NCOA1: variants seen among roughly 807,000 people sequenced by gnomAD.
NCOA1 encodes the protein nuclear receptor coactivator 1.
A neutral mutation model predicts 150.9 loss-of-function variants in NCOA1; 35 were observed. The ratio of observed to expected loss-of-function variants is 0.23; its 90% CI spans 0.18 to 0.31. The LOEUF is 0.31. Among genes scored for constraint, NCOA1 ranks in the 10% least tolerant of loss-of-function variants. The pLI, the probability that NCOA1 is intolerant of heterozygous loss-of-function variation, is 1.00. For missense variants in NCOA1, 1,491 were observed against 1,749.3 expected (o/e 0.85, Z 2.63); for synonymous variants, 590 against 630.0 (o/e 0.94, Z 0.95).
At chr2:24,642,065 T>C (rs1375122075) in intron 3 of NCOA1, among the ~76,000 whole-genome samples, 1 of 144,310 alleles carries the variant, frequency 6.9e-6, no homozygotes, top group Non-Finnish European at 1.5e-5. Flanking sequence ...TGTGTGTATG[T>C]GTTTTCCCCA....
Position 24,769,936 on chromosome 2 carries a change from A to C in NCOA1, c.*1545A>C, listed in dbSNP as rs949284971. ...CTGCCTCCATGGCAGAGAAAAGGCCATAAGAACAGTGGAAGAGGAGCATGG... is the reference window on the plus strand; with the variant it reads ...CTGCCTCCATGGCAGAGAAAAGGCCCTAAGAACAGTGGAAGAGGAGCATGG... On this transcript the variant is annotated 3_prime_UTR_variant, in exon 23 of 23. Transcript: ENST00000348332. 1.8e-5 allele frequency: 4 copies of C among 227,246 alleles called. No homozygotes were observed. The highest frequency in any genetic ancestry group is 2.6e-5 in the Non-Finnish European group (3 of 114,066). The allele number at this position is 227,246 out of a possible 1,614,324, so 14.1% of individuals were successfully genotyped here.
At chr2:24,665,572 AT>A (rs1226174967) in intron 5 of NCOA1, among the ~76,000 whole-genome samples, 176 bp from the exon 6 acceptor site, 1 of 152,190 alleles carries the variant, frequency 6.6e-6, no homozygotes, top group East Asian at 1.9e-4. Context: ...TGTTTTCTAA[AT>A]TTTGGTATTT....
intron 7 of NCOA1, among the ~76,000 whole-genome samples, chr2:24,681,636 C>G: frequency 6.6e-6 from 1 of 151,262 alleles, no homozygotes; most frequent in East Asian, 1.9e-4. Context: ...AAAATTTCAT[C>G]TTAATCCTGA....
Position 24,662,699 on chromosome 2 carries a change from A to G in NCOA1, c.90-3050A>G, listed in dbSNP as rs768980739. 4.6e-5 allele frequency among the ~76,000 whole-genome samples: 7 copies of G among 152,326 alleles called. No homozygotes were observed. In the East Asian group the frequency reaches 5.8e-4, roughly 13 times the overall value. Reference sequence around the variant, plus strand: ...TTATCCTAGTTTTACAGATAAGGAAATCGAAGCTTAGAAAAGTTAACTTTC... The same window carrying G: ...TTATCCTAGTTTTACAGATAAGGAAGTCGAAGCTTAGAAAAGTTAACTTTC... On this transcript the variant is annotated intron_variant, in intron 5 of 22. Transcript: ENST00000348332.
chr2:24,739,799 T>C (rs1663514087), intron 18 of NCOA1, among the ~76,000 whole-genome samples: 1 of 152,168 alleles, frequency 6.6e-6, no homozygotes, highest in African/African-American at 2.4e-5. Context: ...AAAACTCTTA[T>C]TTCTGTAGCG....
chr2:24,537,239 T>TACACAC (rs36086647), intron 1 of NCOA1, among the ~76,000 whole-genome samples: 19,690 of 148,642 alleles, frequency 0.13, 1,509 homozygotes, highest in Non-Finnish European at 0.19. Context: ...CTGTGATACA[T>TACACAC]ACACACACAC....
At chr2:24,695,156 T>C (rs1249082435) in intron 10 of NCOA1, among the ~76,000 whole-genome samples, 2 of 152,174 alleles carry the variant, frequency 1.3e-5, no homozygotes, top group Admixed American at 6.5e-5. Context: ...GTGTTATCCC[T>C]GGTAGTTTTG....
At chr2:24,672,829 G>A (rs1272043498) in intron 6 of NCOA1, among the ~76,000 whole-genome samples, 2 of 152,040 alleles carry the variant, frequency 1.3e-5, no homozygotes, top group Admixed American at 6.6e-5. Flanking sequence ...TAAGATGATG[G>A]GATATGCAAC....
chr2:24,595,950 A>C (rs1667867786), intron 3 of NCOA1, among the ~76,000 whole-genome samples: 1 of 152,180 alleles, frequency 6.6e-6, no homozygotes, highest in Non-Finnish European at 1.5e-5. Flanking sequence ...GTTGCAGAGG[A>C]AAATCTGTCT....
chr2:24,524,547 G>C (rs186933381), intron 1 of NCOA1, among the ~76,000 whole-genome samples: 1 of 152,040 alleles, frequency 6.6e-6, no homozygotes, highest in Non-Finnish European at 1.5e-5. Flanking sequence ...CTCATGCCTC[G>C]GCCTCCCAAA....
intron 3 of NCOA1, among the ~76,000 whole-genome samples, chr2:24,624,032 T>C (rs71439141): frequency 6.6e-6 from 1 of 152,200 alleles, no homozygotes; most frequent in Admixed American, 6.5e-5. Flanking sequence ...TAAGGTGTTG[T>C]GTTCCTTTTC....
At chr2:24,669,152 G>A (rs1671573751) in intron 6 of NCOA1, among the ~76,000 whole-genome samples, 1 of 152,120 alleles carries the variant, frequency 6.6e-6, no homozygotes. Flanking sequence ...TCAGGTTATA[G>A]CAAATTAGCA....
chr2:24,726,663 A>C lies in NCOA1; in HGVS notation c.2674A>C (p.Thr892Pro). The change falls in exon 15 of 23, where the codon ACA becomes CCA. Residue 892 changes from threonine (T) to proline (P), a missense_variant. By Grantham distance (38) the Thr-to-Pro change is conservative. Around this residue, in one of 8 missense-constraint regions of NCOA1, gnomAD observed 703 missense variants for 717.7 expected, o/e 0.98. Coordinates refer to ENST00000348332, the MANE Select transcript of NCOA1 (RefSeq NM_003743.5). ...AGGAACAGGCGATCAGATTCCATGGACAAATAATACAGTGACAGCTATAAA... is the reference window on the plus strand; with the variant it reads ...AGGAACAGGCGATCAGATTCCATGGCCAAATAATACAGTGACAGCTATAAA... Reference protein sequence around the residue: ...QPGTGDQIPWTNNTVTAINQS... With the variant: ...QPGTGDQIPWPNNTVTAINQS... 6.2e-7 allele frequency: 1 copy of C among 1,611,234 alleles called. No individual in the cohort carries two copies.
At chr2:24,654,567 C>T (rs1042381062) in intron 4 of NCOA1, among the ~76,000 whole-genome samples, 12 of 152,160 alleles carry the variant, frequency 7.9e-5, no homozygotes, top group Non-Finnish European at 1.6e-4. Flanking sequence ...TACCGGATTA[C>T]TAAGATGAGA....
At chr2:24,608,657 A>G (rs1668478905) in intron 3 of NCOA1, among the ~76,000 whole-genome samples, 1 of 146,272 alleles carries the variant, frequency 6.8e-6, no homozygotes, top group Non-Finnish European at 1.5e-5. Flanking sequence ...CACCTTATTT[A>G]GATTTCAACA....
At chr2:24,728,829 T>A (rs1033912766) in intron 16 of NCOA1, among the ~76,000 whole-genome samples, 1 of 152,242 alleles carries the variant, frequency 6.6e-6, no homozygotes, top group Non-Finnish European at 1.5e-5. Context: ...TAGCCTTTTT[T>A]ACACGATAGG....
At chr2:24,642,072 C>A (rs1468783716) in intron 3 of NCOA1, among the ~76,000 whole-genome samples, 3 of 141,338 alleles carry the variant, frequency 2.1e-5, no homozygotes, top group Non-Finnish European at 4.7e-5. Flanking sequence ...ATGTGTTTTC[C>A]CCAGATTATA....
intron 1 of NCOA1, among the ~76,000 whole-genome samples, chr2:24,506,661 A>G (rs996903098): frequency 6.6e-6 from 1 of 152,138 alleles, no homozygotes; most frequent in African/African-American, 2.4e-5. Context: ...ATTGCATTTG[A>G]TTATGAAATA....
At chr2:24,636,229 A>C (rs1669933853) in intron 3 of NCOA1, among the ~76,000 whole-genome samples, 2 of 152,202 alleles carry the variant, frequency 1.3e-5, no homozygotes, top group African/African-American at 4.8e-5. Context: ...TAAACCCATG[A>C]ACATGTTAAA....
Sources: allele counts gnomAD v4.1 joint callset (sites outside exome capture counted in the v4.1 genomes callset), GRCh38; gene constraint gnomAD v4.1.1; regional missense constraint gnomAD v4.1.1; transcripts MANE v1.5; gene names NCBI Gene and HGNC (gene_info 2026-07-23, HGNC 2026-07-21).